Variants in MALRD1 observed in about 807,000 individuals in gnomAD.
MALRD1 encodes the protein MAM and LDL receptor class A domain containing 1.
In MALRD1, 247 loss-of-function variants were observed where a neutral mutation model predicts 242.1. That is an observed-to-expected ratio of 1.02 (90% CI 0.92 to 1.13). The LOEUF is 1.13. Among genes scored for constraint, MALRD1 ranks in the 50% most tolerant of loss-of-function variants. The pLI, the probability that MALRD1 is intolerant of heterozygous loss-of-function variation, is 0.00. For synonymous variants in MALRD1, 995 were observed against 866.6 expected (o/e 1.15, Z -2.60); for missense variants, 2,989 against 2,533.1 (o/e 1.18, Z -3.86).
intron 21 of MALRD1, among the ~76,000 whole-genome samples, chr10:19,311,440 A>C (rs1842418670): frequency 6.6e-6 from 1 of 151,488 alleles, no homozygotes; most frequent in Non-Finnish European, 1.5e-5. Context: ...TAAATTAAAT[A>C]CAAAATTTTC....
chr10:19,315,497 T>C (rs1842633461), intron 21 of MALRD1, among the ~76,000 whole-genome samples: 1 of 120,862 alleles, frequency 8.3e-6, no homozygotes, highest in Non-Finnish European at 1.6e-5. Flanking sequence ...TATAAATATA[T>C]AACTATAATT....
At chr10:19,204,515 C>T in intron 16 of MALRD1, 102 bp downstream of exon 16, 1 of 734,908 alleles carries the variant, frequency 1.4e-6, no homozygotes, top group Non-Finnish European at 2.2e-6. Context: ...TGGTTTACTG[C>T]TGGTTTTACT....
intron 18 of MALRD1, among the ~76,000 whole-genome samples, chr10:19,237,177 A>G (rs1838357165): frequency 6.6e-6 from 1 of 151,880 alleles, no homozygotes; most frequent in Non-Finnish European, 1.5e-5. Flanking sequence ...TTTGTAATAT[A>G]CAATACTTTA....
chr10:19,458,234 T>C (rs1180859282), intron 29 of MALRD1, among the ~76,000 whole-genome samples: 2 of 152,160 alleles, frequency 1.3e-5, no homozygotes, highest in East Asian at 1.9e-4. Flanking sequence ...AATGACAAAA[T>C]AGGCTTATTT....
chr10:19,222,316 G>T (rs1257629889), intron 18 of MALRD1, among the ~76,000 whole-genome samples: 4 of 152,120 alleles, frequency 2.6e-5, no homozygotes, highest in South Asian at 4.1e-4. Context: ...TTGTGTCTGG[G>T]GCGGCCACCT....
intron 32 of MALRD1, among the ~76,000 whole-genome samples, chr10:19,553,772 T>C (rs1257733971): frequency 6.6e-6 from 1 of 152,178 alleles, no homozygotes; most frequent in East Asian, 1.9e-4. Flanking sequence ...GTGGCAGCAA[T>C]TACCCAGTGA....
intron 24 of MALRD1, among the ~76,000 whole-genome samples, chr10:19,338,182 C>T (rs533323723): frequency 6.6e-6 from 1 of 151,474 alleles, no homozygotes; most frequent in South Asian, 2.1e-4. Context: ...ATCATTAACA[C>T]TCAAACTCCA....
intron 2 of MALRD1, among the ~76,000 whole-genome samples, chr10:19,077,452 G>C (rs1174597794): frequency 6.6e-6 from 1 of 151,890 alleles, no homozygotes; most frequent in Non-Finnish European, 1.5e-5. Context: ...CAATAATAGA[G>C]ACAGTCAGGA....
intron 38 of MALRD1, among the ~76,000 whole-genome samples, chr10:19,699,233 C>G (rs1000739991): frequency 7.3e-5 from 10 of 136,598 alleles, no homozygotes; most frequent in Non-Finnish European, 1.2e-4. Flanking sequence ...TAATAAAGAC[C>G]ATGGTGTAAT....
At chr10:19,605,993 G>C (rs1838601460) in intron 34 of MALRD1, among the ~76,000 whole-genome samples, 1 of 151,978 alleles carries the variant, frequency 6.6e-6, no homozygotes, top group South Asian at 2.1e-4. Flanking sequence ...AAAGAGTACT[G>C]CCTAAATTTT....
At chr10:19,660,747 T>A (rs111533613) in intron 36 of MALRD1, among the ~76,000 whole-genome samples, 2,217 of 152,280 alleles carry the variant, frequency 0.015, 29 homozygotes, top group Non-Finnish European at 0.024. Context: ...CTTTTCCACT[T>A]CCTTACATTT....
chr10:19,240,682 A>T (rs1386143386), intron 18 of MALRD1, among the ~76,000 whole-genome samples: 1 of 152,066 alleles, frequency 6.6e-6, no homozygotes, highest in African/African-American at 2.4e-5. Flanking sequence ...TTCACCATAA[A>T]TAAGATGTTA....
chr10:19,658,336 A>G (rs78430636), intron 36 of MALRD1, among the ~76,000 whole-genome samples: 6,383 of 152,188 alleles, frequency 0.042, 413 homozygotes, highest in African/African-American at 0.14. Context: ...TGGGTGATTC[A>G]TAGGGCTATT....
At chr10:19,329,413 C>CTT (rs1843267974) in intron 23 of MALRD1, among the ~76,000 whole-genome samples, 1 of 46,950 alleles carries the variant, frequency 2.1e-5, no homozygotes, top group Non-Finnish European at 4.4e-5. Context: ...TTATTTGGGA[C>CTT]CCCCCCCCAA....
chr10:19,351,168 G>T (rs1320597229), intron 25 of MALRD1, among the ~76,000 whole-genome samples: 2 of 152,066 alleles, frequency 1.3e-5, no homozygotes, highest in Non-Finnish European at 2.9e-5. Flanking sequence ...TTTCAAACAT[G>T]TTTTTTTCCT....
intron 36 of MALRD1, among the ~76,000 whole-genome samples, chr10:19,637,188 C>A (rs938430384): frequency 5.3e-5 from 8 of 151,962 alleles, no homozygotes; most frequent in African/African-American, 1.9e-4. Context: ...ATATGTCAAC[C>A]TAACAAATAA....
Position 19,413,208 on chromosome 10 carries a change from C to G in MALRD1, c.4845+23599C>G, listed in dbSNP as rs12268375. Among the ~76,000 whole-genome samples, 920 of 152,208 alleles carry G rather than the reference C, an allele frequency of 6.0e-3. 5 individuals are homozygous for G. Among genetic ancestry groups the G allele is most frequent in the African/African-American group, 0.021 (888 of 41,526 alleles). ...AGATTTTCAGTCTCTGACTTCATAGCCCTTGATAACGAAAAACTACTAAAT... is the reference window on the plus strand; with the variant it reads ...AGATTTTCAGTCTCTGACTTCATAGGCCTTGATAACGAAAAACTACTAAAT... On this transcript the variant is annotated intron_variant, in intron 28 of 39. Coordinates refer to ENST00000454679, the MANE Select transcript of MALRD1 (RefSeq NM_001142308.3).
At chr10:19,181,678 A>T (rs1835510889) in intron 14 of MALRD1, among the ~76,000 whole-genome samples, 1 of 152,142 alleles carries the variant, frequency 6.6e-6, no homozygotes, top group Non-Finnish European at 1.5e-5. Context: ...ACAGTTAATA[A>T]CAGATTTGAG....
intron 19 of MALRD1, among the ~76,000 whole-genome samples, chr10:19,262,400 A>G (rs1030873566): frequency 3.9e-5 from 6 of 151,976 alleles, no homozygotes; most frequent in African/African-American, 1.2e-4. Context: ...TCATGCATGT[A>G]ATCCTAGCAC....
Sources: allele counts gnomAD v4.1 joint callset (sites outside exome capture counted in the v4.1 genomes callset), GRCh38; gene constraint gnomAD v4.1.1; transcripts MANE v1.5; gene names NCBI Gene and HGNC (gene_info 2026-07-23, HGNC 2026-07-21).